Variants in GOLM2 observed in about 807,000 individuals in gnomAD.
The protein encoded by GOLM2 is protein GOLM2.
A neutral mutation model predicts 55.9 loss-of-function variants in GOLM2; 26 were observed. That is an observed-to-expected ratio of 0.47 (90% CI 0.34 to 0.65). The LOEUF is 0.65. Ranked by LOEUF, GOLM2 falls within the 30% of genes least tolerant of loss-of-function variation. The probability of loss-of-function intolerance (pLI) is 0.01; values close to 1 mark genes in which losing one functional copy is unlikely to be tolerated. For synonymous variants in GOLM2, 165 were observed against 194.6 expected, an observed-to-expected ratio of 0.85 and a Z score of 1.27; for missense variants, 486 against 531.8, an observed-to-expected ratio of 0.91 and a Z score of 0.85.
intron 3 of GOLM2, among the ~76,000 whole-genome samples, chr15:44,329,450 C>T (rs1042372227): frequency 3.3e-5 from 5 of 152,058 alleles, no homozygotes; most frequent in East Asian, 1.9e-4. Flanking sequence ...TGTATTTTAA[C>T]GTAACAGTAT....
chr15:44,407,189 AT>A (rs2079602954), intron 9 of GOLM2, among the ~76,000 whole-genome samples: 1 of 146,392 alleles, frequency 6.8e-6, no homozygotes, highest in East Asian at 1.9e-4. Flanking sequence ...ACATATTTCT[AT>A]TATATATATT....
chr15:44,323,271 T>C (rs1240053431), intron 2 of GOLM2, among the ~76,000 whole-genome samples: 3 of 152,000 alleles, frequency 2.0e-5, no homozygotes, highest in Non-Finnish European at 4.4e-5. Context: ...TGCAATGAAA[T>C]GTTCTTAAGA....
chr15:44,357,634 C>G (rs1252727028), intron 6 of GOLM2, among the ~76,000 whole-genome samples: 1 of 152,102 alleles, frequency 6.6e-6, no homozygotes, highest in Non-Finnish European at 1.5e-5. Context: ...ATGTCATTAT[C>G]TTATATGTAG....
intron 6 of GOLM2, among the ~76,000 whole-genome samples, chr15:44,372,984 T>TA (rs998492980): frequency 1.2e-4 from 18 of 152,174 alleles, no homozygotes; most frequent in Admixed American, 7.2e-4. Context: ...CTATCTAAAA[T>TA]AGAGCCTCCC....
chr15:44,405,127 CCTT>C (rs2079589403), intron 9 of GOLM2, among the ~76,000 whole-genome samples: 1 of 152,094 alleles, frequency 6.6e-6, no homozygotes, highest in Admixed American at 6.6e-5. Flanking sequence ...GTACTCTTCT[CCTT>C]CTTCCTCCCC....
chr15:44,409,283 C>CA (rs572709670), intron 9 of GOLM2, among the ~76,000 whole-genome samples: 4,533 of 129,790 alleles, frequency 0.035, 211 homozygotes, highest in African/African-American at 0.11. Context: ...GACTCCGTCT[C>CA]AAAAAAAAAA....
At chr15:44,345,571 T>C (rs758729044) in intron 6 of GOLM2, among the ~76,000 whole-genome samples, 2 of 152,144 alleles carry the variant, frequency 1.3e-5, no homozygotes, top group Non-Finnish European at 1.5e-5. Flanking sequence ...TTCTTCTTGA[T>C]ATTTAGGAGT....
Position 44,288,804 on chromosome 15 carries a change from T to G in GOLM2, c.-226T>G. The G allele has an allele frequency of 1.8e-6, 1 of 564,708 alleles. No individual in the cohort carries two copies. Among genetic ancestry groups the G allele is most frequent in the Non-Finnish European group, 3.1e-6 (1 of 320,890 alleles). 35.0% of individuals were successfully genotyped at this position (564,708 alleles called of 1,614,324 possible). The stretch of plus-strand genomic sequence containing the variant: ...TCCCTTGGGCAGGTGCAGGGTCGGG[T>G]TCAAAGCCTCCGGAACGCGTTTTGG... On this transcript the variant is annotated 5_prime_UTR_variant, in exon 1 of 10. Coordinates refer to ENST00000299957, the MANE Select transcript of GOLM2 (RefSeq NM_138423.4).
intron 9 of GOLM2, among the ~76,000 whole-genome samples, chr15:44,404,667 G>C (rs966289293): frequency 6.6e-6 from 1 of 151,878 alleles, no homozygotes; most frequent in African/African-American, 2.4e-5. Flanking sequence ...TCACCAATTA[G>C]ATTGTAAGCT....
In GOLM2 at chr15:44,402,969, C is replaced by T. The variant is rs763167324; in HGVS notation, c.1155C>T (p.Asn385=). The T allele has an allele frequency of 1.3e-5, 21 of 1,613,838 alleles. No homozygotes were observed. Among genetic ancestry groups the T allele is most frequent in the African/African-American group, 6.7e-5 (5 of 74,878 alleles). ...KLADYNGDDG[N]VGEYEADKQA... ...CGGATTATAATGGGGATGATGGTAA[C>T]GTAGGTGAGTATGAGGCAGACAAGC... The change falls in exon 9 of 10, where the codon AAC becomes AAT. Residue 385 remains asparagine, a synonymous_variant. Coordinates refer to ENST00000299957, the MANE Select transcript of GOLM2 (RefSeq NM_138423.4).
chr15:44,367,746 G>C (rs1371562983), intron 6 of GOLM2, among the ~76,000 whole-genome samples: 1 of 149,206 alleles, frequency 6.7e-6, no homozygotes, highest in Non-Finnish European at 1.5e-5. Flanking sequence ...AGTGAGCCGA[G>C]ACCACGCCAC....
Position 44,413,388 on chromosome 15 carries a change from T to A in GOLM2, c.1293T>A (p.His431Gln). The A allele has an allele frequency of 1.2e-6, 2 of 1,610,406 alleles. No homozygotes were observed. Among genetic ancestry groups the A allele is most frequent in the Non-Finnish European group, 1.7e-6 (2 of 1,178,744 alleles). ...QMDPADYGKQ[H>Q]FNDVL is the part of the protein sequence containing the mutation. ...ATCCTGCAGACTATGGAAAGCAACA[T>A]TTCAATGATGTCCTTTAAGTCCTAA... The change falls in exon 10 of 10, where the codon CAT (histidine) becomes CAA (glutamine). Residue 431 changes from histidine to glutamine, a missense_variant. By Grantham distance (24) the His-to-Gln change is conservative. Coordinates refer to ENST00000299957, the MANE Select transcript of GOLM2 (RefSeq NM_138423.4).
chr15:44,408,208 A>G (rs572549182), intron 9 of GOLM2, among the ~76,000 whole-genome samples: 1 of 152,328 alleles, frequency 6.6e-6, no homozygotes, highest in East Asian at 1.9e-4. Flanking sequence ...GAACTAAAAT[A>G]TTAGTTCTTA....
chr15:44,387,928 T>C (rs1027026769), intron 8 of GOLM2, among the ~76,000 whole-genome samples: 14 of 151,992 alleles, frequency 9.2e-5, no homozygotes, highest in African/African-American at 3.1e-4. Flanking sequence ...ATTTCTTTTA[T>C]AAAAATCATT....
chr15:44,314,337 T>G (rs2078894475), intron 1 of GOLM2, among the ~76,000 whole-genome samples: 1 of 151,756 alleles, frequency 6.6e-6, no homozygotes, highest in Non-Finnish European at 1.5e-5. Flanking sequence ...GGCAGGTGGA[T>G]CACCTGAGGT....
chr15:44,382,767 T>C (rs1442149699), intron 8 of GOLM2, among the ~76,000 whole-genome samples: 2 of 151,782 alleles, frequency 1.3e-5, no homozygotes, highest in East Asian at 1.9e-4. Context: ...TACAATAATT[T>C]TGAAAAGAGC....
intron 1 of GOLM2, among the ~76,000 whole-genome samples, chr15:44,302,429 G>T (rs953970854): frequency 6.6e-6 from 1 of 152,010 alleles, no homozygotes; most frequent in Admixed American, 6.6e-5. Context: ...ATAGGCATGA[G>T]CCACCACGCC....
Position 44,292,320 on chromosome 15 carries a change from C to T in GOLM2, c.327+2964C>T, listed in dbSNP as rs532916285. Among the ~76,000 whole-genome samples the T allele has an allele frequency of 2.0e-5, 3 of 151,262 alleles. No individual in the cohort carries two copies. In the South Asian group the frequency reaches 6.3e-4, roughly 32 times the overall value. On this transcript the variant is annotated intron_variant, in intron 1 of 9. Transcript: ENST00000299957. ...TCACGCCATTCTCTGCTTCAGCCTC[C>T]TGAGTAGCTGGGACTACAGGCGCCC... is the stretch of plus-strand genomic sequence containing the variant.
intron 9 of GOLM2, among the ~76,000 whole-genome samples, chr15:44,407,206 T>TA (rs1429081347): frequency 6.8e-6 from 1 of 146,780 alleles, no homozygotes; most frequent in African/African-American, 2.5e-5. Context: ...ATATTTATAT[T>TA]TATATTATAT....
Sources: allele counts gnomAD v4.1 joint callset (sites outside exome capture counted in the v4.1 genomes callset), GRCh38; gene constraint gnomAD v4.1.1; transcripts MANE v1.5; gene names NCBI Gene and HGNC (gene_info 2026-07-23, HGNC 2026-07-21).